The following LRP12 variants were observed in gnomAD, a reference collection of about 807,000 sequenced individuals.
The protein encoded by LRP12 is LDL receptor related protein 12.
A neutral mutation model predicts 66.0 loss-of-function variants in LRP12; 14 were observed. The ratio of observed to expected loss-of-function variants is 0.21; its 90% CI spans 0.14 to 0.33. The LOEUF (loss-of-function observed/expected upper bound fraction) is 0.33, where lower values mean the gene tolerates loss of function less well. Among genes scored for constraint, LRP12 ranks in the 10% least tolerant of loss-of-function variants. LRP12 has a pLI of 1.00. For missense variants in LRP12, 889 were observed against 1,053.4 expected, an observed-to-expected ratio of 0.84 and a Z score of 2.16; for synonymous variants, 357 against 359.1, an observed-to-expected ratio of 0.99 and a Z score of 0.07.
At chr8:104,585,863 T>C (rs187386222) in intron 1 of LRP12, among the ~76,000 whole-genome samples, 10 of 152,260 alleles carry the variant, frequency 6.6e-5, no homozygotes, top group Admixed American at 2.6e-4. Context: ...GTTTAGGAGG[T>C]GAGCAAGACT....
At chr8:104,578,905 C>G (rs1056138300) in intron 1 of LRP12, among the ~76,000 whole-genome samples, 1 of 151,976 alleles carries the variant, frequency 6.6e-6, no homozygotes, top group African/African-American at 2.4e-5. Context: ...TCTCAGTAAA[C>G]AAGGTATTAA....
chr8:104,523,328 C>T (rs1315030022), intron 2 of LRP12, among the ~76,000 whole-genome samples: 1 of 152,108 alleles, frequency 6.6e-6, no homozygotes. Flanking sequence ...ATAAAAAATA[C>T]ACTAACCTAT....
intron 4 of LRP12, among the ~76,000 whole-genome samples, chr8:104,499,064 T>C (rs1376652668): frequency 1.3e-5 from 2 of 152,230 alleles, no homozygotes; most frequent in East Asian, 3.8e-4. Flanking sequence ...ATTCTTAGAA[T>C]AAATGTATTT....
rs745907107 is a variant in LRP12 at position 104,497,901 on chromosome 8, G to A, written c.651C>T (p.Tyr217=). ...AACGGGATAAACACTGGAACTGGTTGTAAGCACAGGGTTGAAAAGCAGCAG... is the reference window on the plus strand; with the variant it reads ...AACGGGATAAACACTGGAACTGGTTATAAGCACAGGGTTGAAAAGCAGCAG... The part of the protein sequence containing the change: ...PTAAAFQPCA[Y]NQFQCLSRFT... The change falls in exon 5 of 7, where the codon TAC becomes TAT. Residue 217 remains tyrosine (Y), a synonymous_variant. Transcript: ENST00000276654. The surrounding 1 kb of genome is among the most constrained non-coding windows in gnomAD (Gnocchi z 4.3). 1.2e-6 allele frequency: 2 copies of A among 1,614,206 alleles called. No homozygotes were observed. Among genetic ancestry groups the A allele is most frequent in the Non-Finnish European group, 1.7e-6 (2 of 1,180,022 alleles).
chr8:104,550,601 A>C (rs1421299195), intron 1 of LRP12, among the ~76,000 whole-genome samples: 2 of 152,120 alleles, frequency 1.3e-5, no homozygotes, highest in Non-Finnish European at 2.9e-5. Flanking sequence ...GGAACCTGGA[A>C]GTCATTTCAG....
At chr8:104,578,148 A>C (rs1812194568) in intron 1 of LRP12, among the ~76,000 whole-genome samples, 1 of 152,008 alleles carries the variant, frequency 6.6e-6, no homozygotes, top group Admixed American at 6.5e-5. Context: ...AAAACAGACC[A>C]CTAGCTAGGC....
At position 104,588,970 on chromosome 8, in the gene LRP12, A is replaced by ACGCCGCCGCCGCCGGCGC. The variant is rs1812388723; in HGVS notation, c.-74_-73insGCGCCGGCGGCGGCGGCG. ...GAGAAGCTGGAGGTAGACGACGCCG[A>ACGCCGCCGCCGCCGGCGC]CGCCGCCGCCGCCGCCGCCGCCGCC... On this transcript the variant is annotated 5_prime_UTR_variant, in exon 1 of 7. Coordinates refer to ENST00000276654, the MANE Select transcript of LRP12 (RefSeq NM_013437.5). 5 of 601,160 alleles carry ACGCCGCCGCCGCCGGCGC rather than the reference A, an allele frequency of 8.3e-6. No homozygotes were observed. Among genetic ancestry groups the ACGCCGCCGCCGCCGGCGC allele is most frequent in the South Asian group, 2.4e-5 (1 of 41,980 alleles). 37.2% of individuals were successfully genotyped at this position (601,160 alleles called of 1,614,324 possible).
In LRP12 at chr8:104,512,549, C is replaced by T. The variant is rs540858915; in HGVS notation, c.137-3475G>A. On this transcript the variant is annotated intron_variant, in intron 2 of 6. Coordinates refer to ENST00000276654, the MANE Select transcript of LRP12 (RefSeq NM_013437.5). ...TCTGTACTACCATGTAAGTACTCAA[C>T]TATTTATTAAATGGTTTAACAGCAG... is the stretch of plus-strand genomic sequence containing the variant. 3.6e-4 allele frequency among the ~76,000 whole-genome samples: 55 copies of T among 152,180 alleles called. No homozygotes were observed. The Middle Eastern group carries it at 0.01, about 28-fold the overall frequency.
Position 104,489,722 on chromosome 8 carries a change from T to C in LRP12, c.*951A>G, listed in dbSNP as rs1810587694. On this transcript the variant is annotated 3_prime_UTR_variant, in exon 7 of 7. Coordinates refer to ENST00000276654, the MANE Select transcript of LRP12 (RefSeq NM_013437.5). ...CCCAGCCAAAAGCTATGGAAATATA[T>C]AGTTGCTGTGGTAGCAAATAATAGT... 1 of 152,210 alleles carries C rather than the reference T, an allele frequency of 6.6e-6. No individual in the cohort carries two copies. Among genetic ancestry groups the C allele is most frequent in the African/African-American group, 2.4e-5 (1 of 41,428 alleles). 9.4% of individuals were successfully genotyped at this position (152,210 alleles called of 1,614,324 possible). A position where few individuals can be genotyped will look rare whatever the true frequency, so the allele number is the denominator to read the frequency against.
intron 3 of LRP12, among the ~76,000 whole-genome samples, chr8:104,503,317 A>T (rs1190430019): frequency 2.5e-5 from 3 of 122,296 alleles, no homozygotes; most frequent in Non-Finnish European, 4.9e-5. Flanking sequence ...ACAAAGCGAG[A>T]CTGTGTCTCT....
chr8:104,526,255 C>T (rs1279164038), intron 2 of LRP12, among the ~76,000 whole-genome samples: 2 of 151,942 alleles, frequency 1.3e-5, no homozygotes, highest in South Asian at 2.1e-4. Flanking sequence ...GGCCATACTG[C>T]CCAAGGTAAT....
chr8:104,526,476 A>G (rs1811240627), intron 2 of LRP12, among the ~76,000 whole-genome samples: 1 of 151,194 alleles, frequency 6.6e-6, no homozygotes, highest in Admixed American at 6.6e-5. Flanking sequence ...ACTGGTACCA[A>G]AACAGAGATA....
At chr8:104,508,665 T>C (rs1360054937) in intron 3 of LRP12, 2 of 261,400 alleles carry the variant, frequency 7.7e-6, no homozygotes, top group Admixed American at 4.8e-5. Context: ...CCTAATAGGC[T>C]ATTTTGCAAA....
At chr8:104,547,607 A>G (rs1219425541) in intron 1 of LRP12, among the ~76,000 whole-genome samples, 1 of 122,118 alleles carries the variant, frequency 8.2e-6, no homozygotes, top group Non-Finnish European at 1.6e-5. Flanking sequence ...AATAATTATT[A>G]ATATATAATA....
chr8:104,538,964 G>C (rs1811427091), intron 1 of LRP12, among the ~76,000 whole-genome samples: 1 of 152,120 alleles, frequency 6.6e-6, no homozygotes, highest in South Asian at 2.1e-4. Context: ...GCAAACGACA[G>C]AGGACCATTT....
chr8:104,528,035 A>G (rs971921342), intron 2 of LRP12, among the ~76,000 whole-genome samples: 4 of 152,214 alleles, frequency 2.6e-5, no homozygotes, highest in Admixed American at 1.3e-4. Flanking sequence ...TGATTTGTCC[A>G]GAACAGTCCT....
intron 2 of LRP12, among the ~76,000 whole-genome samples, chr8:104,511,801 C>G (rs1013860267): frequency 4.3e-4 from 66 of 152,166 alleles, no homozygotes; most frequent in African/African-American, 1.6e-3. Context: ...CAAAGGGCAT[C>G]TGTTTTGAAT....
intron 1 of LRP12, among the ~76,000 whole-genome samples, chr8:104,586,206 T>C (rs1812329196): frequency 6.6e-6 from 1 of 152,212 alleles, no homozygotes. Flanking sequence ...CAGGTAAGAC[T>C]CTGGCATTCA....
chr8:104,588,816 T>C lies in LRP12; in HGVS notation c.79+3A>G, dbSNP rs1812379134. ...AGCGGGGCGCGGGGACGCGGACACT[T>C]ACCGTACACCCCAGCGAGGAAAAGC... On this transcript the variant is annotated splice_donor_region_variant and intron_variant, in intron 1 of 6. Transcript: ENST00000276654. The C allele has an allele frequency of 1.2e-6, 2 of 1,611,614 alleles. No homozygotes were observed. The highest frequency in any genetic ancestry group is 2.7e-5 in the African/African-American group (2 of 74,810).
Sources: allele counts gnomAD v4.1 joint callset (sites outside exome capture counted in the v4.1 genomes callset), GRCh38; gene constraint gnomAD v4.1.1; non-coding constraint Gnocchi (gnomAD v3.1); transcripts MANE v1.5; gene names NCBI Gene and HGNC (gene_info 2026-07-23, HGNC 2026-07-21).